Variants in TENM3 observed in about 807,000 individuals in gnomAD.
TENM3 encodes the protein teneurin-3.
Under a neutral mutation model 255.1 loss-of-function variants are expected in TENM3, and 63 were observed. That is an observed-to-expected ratio of 0.25 (90% confidence interval 0.20 to 0.30). The LOEUF is 0.30. Among genes scored for constraint, TENM3 ranks in the 10% least tolerant of loss-of-function variants. TENM3 has a pLI of 1.00. For missense variants in TENM3, 2,929 were observed against 3,461.1 expected (o/e 0.85, Z 3.86); for synonymous variants, 1,306 against 1,322.3 (o/e 0.99, Z 0.27).
At chr4:181,579,945 TTTTATTTTATTTTATTTTA>T in the TENM3 span, among the ~76,000 whole-genome samples, 2 of 28,752 alleles carry the variant, frequency 7.0e-5, 1 homozygote, top group Non-Finnish European at 1.3e-4. Context: ...TTTTATTTTA[TTTTATTTTATTTTATTTTA>T]TTTTATTTTA....
chr4:182,441,754 C>T (rs1432004473), intron 3 of TENM3, among the ~76,000 whole-genome samples: 1 of 152,200 alleles, frequency 6.6e-6, no homozygotes, highest in East Asian at 1.9e-4. Context: ...CCTCGAACTC[C>T]TGACCTTGTG....
chr4:181,623,522 A>T, the TENM3 span, among the ~76,000 whole-genome samples: 5 of 152,222 alleles, frequency 3.3e-5, no homozygotes, highest in Non-Finnish European at 7.3e-5. Context: ...AAATTATTCC[A>T]TTATCAACTT....
chr4:182,562,297 T>C (rs570577029), intron 3 of TENM3, among the ~76,000 whole-genome samples: 2 of 152,224 alleles, frequency 1.3e-5, no homozygotes, highest in South Asian at 4.1e-4. Flanking sequence ...ACTTATCCCA[T>C]CCTAGGAATG....
At chr4:181,965,615 C>T in the TENM3 span, among the ~76,000 whole-genome samples, 3 of 152,142 alleles carry the variant, frequency 2.0e-5, no homozygotes, top group African/African-American at 4.8e-5. Flanking sequence ...TGGCAGCCAA[C>T]GTTCAGTCCA....
At chr4:181,531,953 G>A in the TENM3 span, among the ~76,000 whole-genome samples, 3 of 152,176 alleles carry the variant, frequency 2.0e-5, no homozygotes, top group African/African-American at 7.2e-5. Flanking sequence ...TGCAGGGCTC[G>A]CTTCGCACAA....
At position 182,413,627 on chromosome 4, in the gene TENM3, C is replaced by A. The variant is rs543624107; in HGVS notation, c.511+66698C>A. Among the ~76,000 whole-genome samples the A allele has an allele frequency of 9.9e-5, 15 of 151,624 alleles. 1 individual carries two copies. The South Asian group carries it at 2.9e-3, about 30-fold the overall frequency. ...TGAGACTCTGTCTCAAAAAAAAAAA[C>A]CACATTATCTACAAAAGAACAACTC... On this transcript the variant is annotated intron_variant, in intron 3 of 27. Coordinates refer to ENST00000511685, the MANE Select transcript of TENM3 (RefSeq NM_001080477.4).
intron 2 of TENM3, among the ~76,000 whole-genome samples, chr4:182,339,070 C>T (rs537760007): frequency 1.1e-4 from 17 of 152,224 alleles, no homozygotes; most frequent in Admixed American, 1.3e-4. Context: ...CAGACAAAAA[C>T]GAAAGGAATC....
At chr4:181,892,315 C>T in the TENM3 span, among the ~76,000 whole-genome samples, 1 of 152,140 alleles carries the variant, frequency 6.6e-6, no homozygotes, top group Non-Finnish European at 1.5e-5. Context: ...GTTTACTTCT[C>T]CTTCCCGTGT....
At chr4:182,656,645 C>A (rs1235188759) in intron 6 of TENM3, among the ~76,000 whole-genome samples, 1 of 152,138 alleles carries the variant, frequency 6.6e-6, no homozygotes, top group Admixed American at 6.5e-5. Context: ...GAATTCTGAA[C>A]AAAGCTCACT....
the TENM3 span, among the ~76,000 whole-genome samples, chr4:181,551,951 A>G: frequency 6.6e-6 from 1 of 150,702 alleles, no homozygotes; most frequent in Non-Finnish European, 1.5e-5. Flanking sequence ...AAAAATATTC[A>G]AGGTGTTTCC....
At chr4:182,544,295 C>G (rs1259029654) in intron 3 of TENM3, among the ~76,000 whole-genome samples, 1 of 149,062 alleles carries the variant, frequency 6.7e-6, no homozygotes, top group Non-Finnish European at 1.5e-5. Flanking sequence ...AAGGCATTTT[C>G]CTAGCTCCCT....
the TENM3 span, among the ~76,000 whole-genome samples, chr4:181,726,847 A>G: frequency 6.6e-6 from 1 of 152,216 alleles, no homozygotes; most frequent in Non-Finnish European, 1.5e-5. Flanking sequence ...ACTTCTGACC[A>G]ACCGGCTAAA....
At chr4:181,924,691 C>A in the TENM3 span, among the ~76,000 whole-genome samples, 1 of 152,100 alleles carries the variant, frequency 6.6e-6, no homozygotes, top group Non-Finnish European at 1.5e-5. Flanking sequence ...TCAACAATTT[C>A]TCATCATTTG....
chr4:182,037,494 G>A, the TENM3 span, among the ~76,000 whole-genome samples: 1 of 152,036 alleles, frequency 6.6e-6, no homozygotes, highest in Admixed American at 6.6e-5. Flanking sequence ...AGATTCTTTG[G>A]ATCATATCAC....
At chr4:182,065,470 G>C in the TENM3 span, among the ~76,000 whole-genome samples, 1 of 152,356 alleles carries the variant, frequency 6.6e-6, no homozygotes, top group East Asian at 1.9e-4. Context: ...GCGTCACGTG[G>C]CTGGAGCAGG....
At chr4:182,101,527 G>A in the TENM3 span, among the ~76,000 whole-genome samples, 3 of 152,114 alleles carry the variant, frequency 2.0e-5, no homozygotes, top group African/African-American at 7.2e-5. Flanking sequence ...AGTCAGGACT[G>A]CATGACTTCA....
In TENM3 at chr4:182,275,917, G is replaced by C. The variant is rs546631271; in HGVS notation, c.-76+32441G>C. On this transcript the variant is annotated intron_variant, in intron 1 of 27. Transcript: ENST00000511685. ...GATCATGCCACTGCACTCCAGCCTG[G>C]CAACAGAGCAAGACCTGATCTCTTT... Among the ~76,000 whole-genome samples the C allele has an allele frequency of 4.6e-5, 7 of 152,286 alleles. No homozygotes were observed. In the East Asian group the frequency reaches 1.4e-3, roughly 29 times the overall value.
intron 3 of TENM3, among the ~76,000 whole-genome samples, chr4:182,431,261 C>T (rs547078069): frequency 2.0e-5 from 3 of 151,874 alleles, no homozygotes; most frequent in Non-Finnish European, 2.9e-5. Flanking sequence ...TTTGGGAGAC[C>T]GAGACAGGCG....
the TENM3 span, among the ~76,000 whole-genome samples, chr4:181,726,566 G>GA: frequency 6.6e-6 from 1 of 151,986 alleles, no homozygotes; most frequent in South Asian, 2.1e-4. Flanking sequence ...TTTATTGGAG[G>GA]AAAAAAACTA....
Sources: allele counts gnomAD v4.1 joint callset (sites outside exome capture counted in the v4.1 genomes callset), GRCh38; gene constraint gnomAD v4.1.1; transcripts MANE v1.5; gene names NCBI Gene and HGNC (gene_info 2026-07-23, HGNC 2026-07-21).